The following PHC2 variants were observed in gnomAD, a reference collection of about 807,000 sequenced individuals.
PHC2 encodes the protein polyhomeotic homolog 2, also known as polyhomeotic-like protein 2.
PHC2 carries 29 observed loss-of-function variants against 87.4 expected under a neutral mutation model. The observed-to-expected ratio is 0.33, with a 90% CI of 0.25 to 0.45. The LOEUF (loss-of-function observed/expected upper bound fraction) is 0.45. Ranked by LOEUF, PHC2 falls within the 20% of genes least tolerant of loss-of-function variation. The pLI, the probability that PHC2 is intolerant of heterozygous loss-of-function variation, is 1.00. For missense variants in PHC2, 857 were observed against 1,136.7 expected, an observed-to-expected ratio of 0.75 and a Z score of 3.54; for synonymous variants, 438 against 461.7, an observed-to-expected ratio of 0.95 and a Z score of 0.66.
intron 9 of PHC2, among the ~76,000 whole-genome samples, chr1:33,348,764 C>T (rs1646895214): frequency 6.6e-6 from 1 of 152,022 alleles, no homozygotes; most frequent in South Asian, 2.1e-4. Context: ...CCGTACACAG[C>T]ACATGAAGGT....
intron 9 of PHC2, among the ~76,000 whole-genome samples, chr1:33,342,800 C>G (rs950069313): frequency 6.6e-6 from 1 of 152,178 alleles, no homozygotes; most frequent in Non-Finnish European, 1.5e-5. Flanking sequence ...TCAAGGGCTC[C>G]CAGATAGTCT....
chr1:33,364,367 C>T lies in PHC2; in HGVS notation c.976+2749G>A, dbSNP rs1647311698. Among the ~76,000 whole-genome samples the T allele has an allele frequency of 6.9e-6, 1 of 144,630 alleles. No homozygotes were observed. 94.9% of individuals were successfully genotyped at this position (144,630 alleles called of 152,430 possible). On this transcript the variant is annotated intron_variant, in intron 7 of 14. Transcript: ENST00000683057. This position sits in a 1 kb window ranked among gnomAD's most constrained non-coding sequence, Gnocchi z 4.1. ...TTGCTTTCTCTCTCCCAGACACACACACACACACACACACACTTGCTTTCA... is the reference window on the plus strand; with the variant it reads ...TTGCTTTCTCTCTCCCAGACACACATACACACACACACACACTTGCTTTCA...
Position 33,370,525 on chromosome 1 carries a change from A to C in PHC2, c.472T>G (p.Ser158Ala), listed in dbSNP as rs761085676. 7.4e-6 allele frequency: 12 copies of C among 1,614,068 alleles called. No homozygotes were observed. Among genetic ancestry groups the C allele is most frequent in the Middle Eastern group, 1.7e-4 (1 of 6,058 alleles). The part of the protein sequence containing the change: ...QLLNRAQSVN[S>A]AAASGIAQQA... ...TGAGCGATGCCTGAGGCTGCTGCAG[A>C]GTTCACACTCTGGGCCCGGTTGAGG... Residue 158 changes from serine to alanine, a missense_variant, in exon 5 of 15, where the codon TCT becomes GCT. By Grantham distance (99) the Ser-to-Ala change is moderately conservative. Coordinates refer to ENST00000683057, the MANE Select transcript of PHC2 (RefSeq NM_001385109.1).
chr1:33,405,490 A>G (rs1649722731), intron 1 of PHC2, among the ~76,000 whole-genome samples: 2 of 152,084 alleles, frequency 1.3e-5, no homozygotes, highest in African/African-American at 4.8e-5. Context: ...TACACCCGGC[A>G]GCAGTCTTAT....
intron 1 of PHC2, among the ~76,000 whole-genome samples, chr1:33,420,713 G>A (rs1211227437): frequency 6.6e-6 from 1 of 151,902 alleles, no homozygotes; most frequent in South Asian, 2.1e-4. Context: ...GGGCTCAAGT[G>A]ATCCTCCCAC....
At chr1:33,325,252 C>A in intron 14 of PHC2, 1 of 504,162 alleles carries the variant, frequency 2.0e-6, no homozygotes, top group Non-Finnish European at 3.6e-6. Context: ...CTGTTCAGAC[C>A]CCTGCTCCAT....
intron 7 of PHC2, among the ~76,000 whole-genome samples, 178 bp from the exon 8 acceptor site, chr1:33,355,431 T>A (rs1647053097): frequency 6.6e-6 from 1 of 152,222 alleles, no homozygotes; most frequent in Non-Finnish European, 1.5e-5. Flanking sequence ...GCCTAACACA[T>A]TCACTCTATT....
At chr1:33,342,850 G>A (rs1287685934) in intron 9 of PHC2, among the ~76,000 whole-genome samples, 1 of 152,142 alleles carries the variant, frequency 6.6e-6, no homozygotes, top group African/African-American at 2.4e-5. Context: ...ATTTCAAAAC[G>A]CAAAATGTCT....
chr1:33,353,689 G>A (rs1647015854), intron 9 of PHC2, among the ~76,000 whole-genome samples: 1 of 152,176 alleles, frequency 6.6e-6, no homozygotes, highest in South Asian at 2.1e-4. Context: ...CTGCCTCCCT[G>A]AGTTGCAGGT....
Position 33,369,897 on chromosome 1 carries a change from T to A in PHC2, c.576+524A>T, listed in dbSNP as rs1221660185. 6.6e-6 allele frequency among the ~76,000 whole-genome samples: 1 copy of A among 152,146 alleles called. No individual in the cohort carries two copies. The highest frequency in any genetic ancestry group is 2.4e-5 in the African/African-American group (1 of 41,426). On this transcript the variant is annotated intron_variant, in intron 5 of 14. Coordinates refer to ENST00000683057, the MANE Select transcript of PHC2 (RefSeq NM_001385109.1). The surrounding 1 kb of genome is among the most constrained non-coding windows in gnomAD (Gnocchi z 4.7). ...TAGGTGCAAAGGAAAGAGTTGGTGC[T>A]ATCCTGAGTATATCCTGCCCAAACA... is the stretch of plus-strand genomic sequence containing the variant.
Position 33,329,048 on chromosome 1 carries a change from T to C in PHC2, c.2247A>G (p.Glu749=). 1.2e-6 allele frequency: 2 copies of C among 1,614,208 alleles called. No homozygotes were observed. Among genetic ancestry groups the C allele is most frequent in the Non-Finnish European group, 1.7e-6 (2 of 1,180,022 alleles). The change falls in exon 14 of 15, where the codon GAA becomes GAG. Residue 749 remains glutamate (E), a synonymous_variant. Coordinates refer to ENST00000683057, the MANE Select transcript of PHC2 (RefSeq NM_001385109.1). ...AGCTGGCTGAGATGGGTGACAAGGG[T>C]TCCTCATAGCTTGAGTTATCTGAGC... ...SRCSDNSSYE[E]PLSPISASSS...
rs1006306952 is a variant in PHC2, at chr1:33,369,613, C to T, written c.576+808G>A. 9.2e-5 allele frequency among the ~76,000 whole-genome samples: 14 copies of T among 152,280 alleles called. No individual in the cohort carries two copies. Among genetic ancestry groups the T allele is most frequent in the African/African-American group, 3.1e-4 (13 of 41,554 alleles). ...CAAGAACAAATGTGCGGGAGCAAGA[C>T]CAGACAAGCTCCGAGGGTCACGTCC... On this transcript the variant is annotated intron_variant, in intron 5 of 14. Transcript: ENST00000683057. The surrounding 1 kb of genome is among the most constrained non-coding windows in gnomAD (Gnocchi z 4.7).
intron 1 of PHC2, among the ~76,000 whole-genome samples, chr1:33,427,157 G>A (rs561029188): frequency 5.9e-5 from 9 of 152,318 alleles, no homozygotes; most frequent in African/African-American, 1.9e-4. Context: ...GTGCTGCCAA[G>A]AGGTTGTGTG....
intron 1 of PHC2, among the ~76,000 whole-genome samples, chr1:33,401,385 A>C (rs1442765456): frequency 1.3e-5 from 2 of 152,222 alleles, no homozygotes; most frequent in Non-Finnish European, 2.9e-5. Context: ...CAAAAGACCA[A>C]GAATAGGCAG....
intron 9 of PHC2, among the ~76,000 whole-genome samples, chr1:33,343,356 G>A (rs1435940118): frequency 4.0e-5 from 6 of 150,824 alleles, no homozygotes; most frequent in East Asian, 2.0e-4. Context: ...TGTAGTCCCC[G>A]CTACTCGGGA....
intron 10 of PHC2, 180 bp downstream of exon 10, chr1:33,333,910 T>C (rs1260194426): frequency 3.2e-6 from 2 of 618,770 alleles, no homozygotes; most frequent in African/African-American, 3.7e-5. Flanking sequence ...GACCCCCCTC[T>C]TCTGGACCTT....
chr1:33,379,724 C>A (rs1434743607), intron 1 of PHC2, among the ~76,000 whole-genome samples: 1 of 151,134 alleles, frequency 6.6e-6, no homozygotes, highest in East Asian at 2.0e-4. Context: ...CACGTCCTCC[C>A]CCTCGCTCTT....
At chr1:33,398,188 G>A (rs1649372788) in intron 1 of PHC2, among the ~76,000 whole-genome samples, 1 of 152,116 alleles carries the variant, frequency 6.6e-6, no homozygotes, top group Admixed American at 6.6e-5. Flanking sequence ...GTAGACTCTG[G>A]TCTTGCTTCA....
intron 1 of PHC2, among the ~76,000 whole-genome samples, chr1:33,416,136 G>A (rs1650192197): frequency 6.6e-6 from 1 of 152,142 alleles, no homozygotes; most frequent in Non-Finnish European, 1.5e-5. Flanking sequence ...TTCCAAATTT[G>A]ATGAAATCCA....
Sources: allele counts gnomAD v4.1 joint callset (sites outside exome capture counted in the v4.1 genomes callset), GRCh38; gene constraint gnomAD v4.1.1; non-coding constraint Gnocchi (gnomAD v3.1); transcripts MANE v1.5; gene names NCBI Gene and HGNC (gene_info 2026-07-23, HGNC 2026-07-21).